Variants in RASA4B observed in about 807,000 individuals in gnomAD.
RASA4B encodes RAS p21 protein activator 4B, also known as ras GTPase-activating protein 4B.
In RASA4B, 2 loss-of-function variants were observed where a neutral mutation model predicts 24.2. The ratio of observed to expected loss-of-function variants is 0.08; its 90% confidence interval spans 0.03 to 0.26. The LOEUF is 0.26. Among genes scored for constraint, RASA4B ranks in the 10% least tolerant of loss-of-function variants. The probability of loss-of-function intolerance (pLI) is 1.00; values close to 1 mark genes in which losing one functional copy is unlikely to be tolerated. For missense variants in RASA4B, 8 were observed against 277.2 expected (o/e 0.03, Z 6.90); for synonymous variants, 2 against 125.6 (o/e 0.02, Z 6.58).
rs1465810830 is a variant in RASA4B, at chr7:102,504,735, C to T, written c.429-1491G>A. Reference sequence around the variant, plus strand: ...AAAAAACAGCCCGGGTGCAGTGGCTCACGCCTGTAATCCCAGTACTTTGGG... The same window carrying T: ...AAAAAACAGCCCGGGTGCAGTGGCTTACGCCTGTAATCCCAGTACTTTGGG... On this transcript the variant is annotated intron_variant, in intron 5 of 20. Coordinates refer to ENST00000465829, the MANE Select transcript of RASA4B (RefSeq NM_001367767.2). Among the ~76,000 whole-genome samples, 9 of 137,534 alleles carry T rather than the reference C, an allele frequency of 6.5e-5. No homozygotes were observed. The East Asian group carries it at 1.2e-3, about 18-fold the overall frequency. The allele number at this position is 137,534 out of a possible 152,430, so 90.2% of individuals were successfully genotyped here. A position where few individuals can be genotyped will look rare whatever the true frequency, so the allele number is the denominator to read the frequency against.
At position 102,479,988 on chromosome 7, in the gene RASA4B, ATTC is replaced by A. The variant is rs1325136642; in HGVS notation, c.*3601_*3603del. On this transcript the variant is annotated 3_prime_UTR_variant, in exon 21 of 21. Transcript: ENST00000465829. ...CATTAATCATTAGTTTGTAGTAATT[ATTC>A]TTTATTCCAATATTATAATAATCCT... is the stretch of plus-strand genomic sequence containing the variant. Among the ~76,000 whole-genome samples the A allele has an allele frequency of 3.9e-5, 6 of 152,146 alleles. No individual in the cohort carries two copies. The highest frequency in any genetic ancestry group is 1.4e-4 in the African/African-American group (6 of 41,450).
chr7:102,512,618 AGGAGGGGG>A (rs1799721961), intron 1 of RASA4B, among the ~76,000 whole-genome samples: 1 of 404 alleles, frequency 2.5e-3, no homozygotes, highest in East Asian at 0.071. Context: ...GGAGGAGAGT[AGGAGGGGG>A]AGAGAGGGAG....
intron 16 of RASA4B, among the ~76,000 whole-genome samples, chr7:102,491,954 A>C (rs200437418): frequency 2.5e-4 from 7 of 28,104 alleles, no homozygotes; most frequent in African/African-American, 4.4e-4. Context: ...CTCCGCAAAA[A>C]AAAAAGTTAA....
intron 8 of RASA4B, among the ~76,000 whole-genome samples, chr7:102,498,350 C>T (rs1323750392): frequency 2.0e-5 from 3 of 146,354 alleles, no homozygotes; most frequent in African/African-American, 7.4e-5. Flanking sequence ...CAACCTCCAC[C>T]TCCCAGGTTC....
In RASA4B at chr7:102,489,630, C is replaced by T. The variant is rs535146568; in HGVS notation, c.1969-1032G>A. Among the ~76,000 whole-genome samples the T allele has an allele frequency of 2.3e-4, 35 of 149,424 alleles. 1 individual carries two copies. The highest frequency in any genetic ancestry group is 8.6e-4 in the South Asian group (4 of 4,626). ...GCCTCAGCCCCCCAAGTAGCTGGGA[C>T]TACAGGCACCCACCACCACACCCGG... On this transcript the variant is annotated intron_variant, in intron 17 of 20. Transcript: ENST00000465829.
chr7:102,480,219 G>C lies in RASA4B; in HGVS notation c.*3373C>G, dbSNP rs1423318651. ...CCACCGTGGTCTAGCTGTAGCGTTA[G>C]TGTCAAGGAAAAACACCCGCTACTT... On this transcript the variant is annotated 3_prime_UTR_variant, in exon 21 of 21. Transcript: ENST00000465829. Among the ~76,000 whole-genome samples, 1 of 152,140 alleles carries C rather than the reference G, an allele frequency of 6.6e-6. No homozygotes were observed. Among genetic ancestry groups the C allele is most frequent in the Non-Finnish European group, 1.5e-5 (1 of 68,032 alleles).
chr7:102,500,786 A>G lies in RASA4B; in HGVS notation c.650T>C (p.Ile217Thr). ...SRNDFLGKVVIDVQRLRVVQQ... is the reference protein window; with the variant it reads ...SRNDFLGKVVTDVQRLRVVQQ... ...CACCACCCGCAGTCTCTGGACATCA[A>G]TCACCACCTGGGGACATAGTGGCAG... The change falls in exon 8 of 21, where the codon ATT (isoleucine) becomes ACT (threonine). Residue 217 changes from isoleucine to threonine, a missense_variant. Coordinates refer to ENST00000465829, the MANE Select transcript of RASA4B (RefSeq NM_001367767.2). 9.0e-6 allele frequency: 1 copy of G among 111,622 alleles called. No homozygotes were observed. The highest frequency in any genetic ancestry group is 1.6e-5 in the Non-Finnish European group (1 of 62,928). The allele number at this position is 111,622 out of a possible 1,614,324, so 6.9% of individuals were successfully genotyped here.
intron 6 of RASA4B, among the ~76,000 whole-genome samples, chr7:102,502,695 G>GC (rs1253135692): frequency 1.6e-5 from 2 of 127,760 alleles, no homozygotes; most frequent in African/African-American, 2.6e-5. Context: ...GGAAGGCAGA[G>GC]CCTGCAGTGA....
chr7:102,512,736 G>GAGAGGGAGGAGAGTA (rs751403347), intron 1 of RASA4B, among the ~76,000 whole-genome samples: 39 of 131,620 alleles, frequency 3.0e-4, no homozygotes, highest in African/African-American at 9.5e-4. Context: ...GAGAAGGGGA[G>GAGAGGGAGGAGAGTA]AGAGGGAGGA....
intron 17 of RASA4B, among the ~76,000 whole-genome samples, chr7:102,490,770 AG>A (rs1798905727): frequency 6.6e-6 from 1 of 150,746 alleles, no homozygotes; most frequent in East Asian, 2.0e-4. Flanking sequence ...CATAGCACCC[AG>A]GCCATTCCCA....
At chr7:102,489,549 G>A (rs1798829028) in intron 17 of RASA4B, among the ~76,000 whole-genome samples, 1 of 145,088 alleles carries the variant, frequency 6.9e-6, no homozygotes, top group African/African-American at 2.5e-5. Flanking sequence ...CTGGAGTGCA[G>A]TGGCTCGATC....
At chr7:102,484,799 G>A (rs1798652276) in intron 19 of RASA4B, among the ~76,000 whole-genome samples, 1 of 148,500 alleles carries the variant, frequency 6.7e-6, no homozygotes, top group African/African-American at 2.4e-5. Flanking sequence ...TACTCCAAGG[G>A]CCCAGGGGAA....
At chr7:102,504,201 T>G (rs1799413941) in intron 5 of RASA4B, among the ~76,000 whole-genome samples, 2 of 152,368 alleles carry the variant, frequency 1.3e-5, no homozygotes, top group South Asian at 4.1e-4. Context: ...CTCCACCTCC[T>G]GGGCTCAAGC....
At chr7:102,484,568 G>C (rs1268894836) in intron 19 of RASA4B, among the ~76,000 whole-genome samples, 1 of 108,216 alleles carries the variant, frequency 9.2e-6, no homozygotes, top group African/African-American at 3.0e-5. Context: ...GCTCCAGTTG[G>C]CTCAGGGGAA....
At chr7:102,490,712 G>A (rs1798900283) in intron 17 of RASA4B, among the ~76,000 whole-genome samples, 1 of 151,966 alleles carries the variant, frequency 6.6e-6, no homozygotes. Context: ...GTCCACTCAG[G>A]CCCCTCCCAC....
chr7:102,486,237 T>C (rs1798725382), intron 18 of RASA4B, among the ~76,000 whole-genome samples: 1 of 151,256 alleles, frequency 6.6e-6, no homozygotes. Context: ...GTAGTCCCAG[T>C]TCTGCAGGAG....
At chr7:102,513,087 C>T (rs1301189133) in intron 1 of RASA4B, among the ~76,000 whole-genome samples, 1 of 151,936 alleles carries the variant, frequency 6.6e-6, no homozygotes, top group African/African-American at 2.4e-5. Context: ...AAGTCGAGCC[C>T]CTTACTCTCC....
chr7:102,491,692 G>A (rs1798950809), intron 16 of RASA4B, among the ~76,000 whole-genome samples: 1 of 80,868 alleles, frequency 1.2e-5, no homozygotes, highest in East Asian at 6.2e-4. Context: ...GCTTGAACCC[G>A]GGAGGCGGAG....
At chr7:102,513,203 G>A (rs551379688) in intron 1 of RASA4B, among the ~76,000 whole-genome samples, 59 of 142,006 alleles carry the variant, frequency 4.2e-4, no homozygotes, top group Non-Finnish European at 9.0e-4. Flanking sequence ...ACGGGACGGG[G>A]AGGAAGGCCT....
Sources: gnomAD v4.1 joint callset for allele counts (sites outside exome capture counted in the v4.1 genomes callset) on GRCh38, gnomAD v4.1.1 for gene constraint, MANE v1.5 for transcripts, NCBI Gene and HGNC (gene_info 2026-07-23, HGNC 2026-07-21) for gene names.